Variants in SLC41A2 observed in about 807,000 individuals in gnomAD.
SLC41A2 encodes solute carrier family 41 member 2.
Under a neutral mutation model 58.3 loss-of-function variants are expected in SLC41A2, and 32 were observed. The observed-to-expected ratio is 0.55, with a 90% CI of 0.41 to 0.74. The LOEUF (loss-of-function observed/expected upper bound fraction) is 0.74, where lower values mean the gene tolerates loss of function less well. Ranked by LOEUF, SLC41A2 falls within the 30% of genes least tolerant of loss-of-function variation. The probability of loss-of-function intolerance (pLI) is 0.00; values close to 1 mark genes in which losing one functional copy is unlikely to be tolerated. For synonymous variants in SLC41A2, 190 were observed against 235.0 expected (o/e 0.81, Z 1.75); for missense variants, 514 against 680.6 (o/e 0.76, Z 2.72).
chr12:104,828,207 C>T (rs564585881), intron 10 of SLC41A2, among the ~76,000 whole-genome samples: 3 of 152,278 alleles, frequency 2.0e-5, no homozygotes, highest in African/African-American at 4.8e-5. Context: ...GGCAGGCCAT[C>T]GACTGGCAGA....
At chr12:104,933,072 A>T (rs1163258315) in intron 1 of SLC41A2, among the ~76,000 whole-genome samples, 1 of 152,202 alleles carries the variant, frequency 6.6e-6, no homozygotes, top group Non-Finnish European at 1.5e-5. Context: ...CAGAGCCAAA[A>T]AAACAATCAT....
Position 104,834,061 on chromosome 12 carries a change from A to G in SLC41A2, c.1536+10411T>C, listed in dbSNP as rs117735191. 70 of 985,370 alleles carry G rather than the reference A, an allele frequency of 7.1e-5. No individual in the cohort carries two copies. The East Asian group carries it at 5.7e-3, about 80-fold the overall frequency. The allele number at this position is 985,370 out of a possible 1,614,324, so 61.0% of individuals were successfully genotyped here. On this transcript the variant is annotated intron_variant, in intron 10 of 10. Coordinates refer to ENST00000258538, the MANE Select transcript of SLC41A2 (RefSeq NM_001352171.3). ...CTTCACCTTTATCAGGCTTTACAAG[A>G]CCGAAAAGAGCTCTTTCCCAATGCC...
intron 2 of SLC41A2, among the ~76,000 whole-genome samples, chr12:104,916,302 A>T (rs1427329485): frequency 6.6e-6 from 1 of 152,008 alleles, no homozygotes; most frequent in Non-Finnish European, 1.5e-5. Context: ...GTTAGGGAGG[A>T]TTCCCTCTTT....
chr12:104,863,387 A>G (rs1343740362), intron 7 of SLC41A2, among the ~76,000 whole-genome samples: 1 of 152,144 alleles, frequency 6.6e-6, no homozygotes, highest in Non-Finnish European at 1.5e-5. Flanking sequence ...GTGAACTACA[A>G]TCAAGCCACT....
chr12:104,892,302 A>T (rs1049642589), intron 4 of SLC41A2, among the ~76,000 whole-genome samples: 6 of 113,856 alleles, frequency 5.3e-5, no homozygotes, highest in African/African-American at 2.3e-4. Context: ...TCTCAAAAAA[A>T]AAATAAAATA....
chr12:104,843,474 C>T (rs1432823185), intron 10 of SLC41A2, among the ~76,000 whole-genome samples: 2 of 151,820 alleles, frequency 1.3e-5, no homozygotes, highest in Non-Finnish European at 2.9e-5. Context: ...TTTTCTATAC[C>T]AGCCCTAATC....
intron 10 of SLC41A2, among the ~76,000 whole-genome samples, chr12:104,843,311 G>T (rs1206570043): frequency 6.6e-6 from 1 of 151,672 alleles, no homozygotes; most frequent in African/African-American, 2.4e-5. Context: ...TAGCATGAAG[G>T]TTTACTGGAT....
chr12:104,939,801 A>G (rs1342668030), intron 1 of SLC41A2, among the ~76,000 whole-genome samples: 1 of 152,178 alleles, frequency 6.6e-6, no homozygotes, highest in African/African-American at 2.4e-5. Context: ...CATTTAGTTG[A>G]ATATCCCAGA....
At chr12:104,903,745 G>T (rs987321194) in intron 3 of SLC41A2, among the ~76,000 whole-genome samples, 1 of 151,992 alleles carries the variant, frequency 6.6e-6, no homozygotes. Flanking sequence ...TTATTTCCTT[G>T]ACTGAACTAT....
chr12:104,837,285 C>T (rs1415521935), intron 10 of SLC41A2, among the ~76,000 whole-genome samples: 2 of 152,102 alleles, frequency 1.3e-5, no homozygotes, highest in African/African-American at 2.4e-5. Flanking sequence ...TTGGGGCACC[C>T]GTACACATGA....
chr12:104,861,660 C>T (rs1005319052), intron 7 of SLC41A2, among the ~76,000 whole-genome samples: 6 of 152,168 alleles, frequency 3.9e-5, no homozygotes, highest in East Asian at 1.9e-4. Flanking sequence ...GAACAGTATA[C>T]GAGAAATTAT....
intron 1 of SLC41A2, among the ~76,000 whole-genome samples, chr12:104,946,065 A>T (rs982849163): frequency 7.2e-4 from 109 of 152,284 alleles, no homozygotes; most frequent in Middle Eastern, 6.8e-3. Flanking sequence ...AAACATTAAA[A>T]TTTTTTTATC....
intron 2 of SLC41A2, among the ~76,000 whole-genome samples, chr12:104,925,045 A>G (rs1458618304): frequency 1.3e-5 from 2 of 152,114 alleles, no homozygotes; most frequent in Non-Finnish European, 2.9e-5. Context: ...ATTAGTGATT[A>G]CCTTTGGTGA....
Position 104,949,159 on chromosome 12 carries a change from G to A in SLC41A2, c.-168+8929C>T, listed in dbSNP as rs576674690. 2.3e-4 allele frequency among the ~76,000 whole-genome samples: 35 copies of A among 152,110 alleles called. No individual in the cohort carries two copies. In the East Asian group the frequency reaches 5.0e-3, roughly 22 times the overall value. ...CTTGAACCCAGGAGGCAGAGGTTGC[G>A]GTGAGCCAAGATCACACCATTGCAC... On this transcript the variant is annotated intron_variant, in intron 1 of 10. Coordinates refer to ENST00000258538, the MANE Select transcript of SLC41A2 (RefSeq NM_001352171.3).
At chr12:104,901,287 A>G (rs1228376566) in intron 3 of SLC41A2, among the ~76,000 whole-genome samples, 5 of 152,102 alleles carry the variant, frequency 3.3e-5, no homozygotes, top group Non-Finnish European at 7.4e-5. Context: ...TTAGACCTCA[A>G]ACAATAGAAA....
At chr12:104,911,533 C>G (rs1326988852) in intron 2 of SLC41A2, among the ~76,000 whole-genome samples, 1 of 152,130 alleles carries the variant, frequency 6.6e-6, no homozygotes, top group Admixed American at 6.5e-5. Context: ...ATGAGCTAGG[C>G]ATATTAACTT....
intron 1 of SLC41A2, among the ~76,000 whole-genome samples, chr12:104,954,563 T>C (rs1039512653): frequency 2.0e-5 from 3 of 152,190 alleles, no homozygotes; most frequent in African/African-American, 7.2e-5. Flanking sequence ...TTGGGTAAGT[T>C]GGTAACAATC....
In SLC41A2 at chr12:104,855,885, A is replaced by T. The variant is rs1446200136; in HGVS notation, c.1255+5406T>A. Among the ~76,000 whole-genome samples, 6 of 152,234 alleles carry T rather than the reference A, an allele frequency of 3.9e-5. No homozygotes were observed. The East Asian group carries it at 1.2e-3, about 29-fold the overall frequency. On this transcript the variant is annotated intron_variant, in intron 8 of 10. Coordinates refer to ENST00000258538, the MANE Select transcript of SLC41A2 (RefSeq NM_001352171.3). The stretch of plus-strand genomic sequence containing the variant: ...AAAGGGCAGGTTTGCGGGGAAGAGG[A>T]TGAGTTCAGTTAGAAGCTTCAGATG...
At chr12:104,818,173 C>G (rs1233274666) in intron 10 of SLC41A2, among the ~76,000 whole-genome samples, 1 of 151,952 alleles carries the variant, frequency 6.6e-6, no homozygotes, top group Non-Finnish European at 1.5e-5. Context: ...TGTAAATAGT[C>G]ATATGACATA....
Sources: gnomAD v4.1 joint callset for allele counts (sites outside exome capture counted in the v4.1 genomes callset) on GRCh38, gnomAD v4.1.1 for gene constraint, MANE v1.5 for transcripts, NCBI Gene and HGNC (gene_info 2026-07-23, HGNC 2026-07-21) for gene names.